The following NIN variants were observed in gnomAD, a reference collection of about 807,000 sequenced individuals.
NIN encodes the protein glycogen synthase kinase 3 beta-interacting protein.
A neutral mutation model predicts 257.6 loss-of-function variants in NIN; 137 were observed. That is an observed-to-expected ratio of 0.53 (90% CI 0.46 to 0.61). NIN has a LOEUF of 0.61. Ranked by LOEUF, NIN falls within the 20% of genes least tolerant of loss-of-function variation. NIN has a pLI of 0.00. For synonymous variants in NIN, 918 were observed against 919.8 expected (o/e 1.00, Z 0.04); for missense variants, 2,439 against 2,501.2 (o/e 0.98, Z 0.53).
chr14:50,770,819 G>A (rs2042699128), intron 11 of NIN, 33 bp downstream of exon 11: 2 of 1,599,478 alleles, frequency 1.3e-6, no homozygotes, highest in Non-Finnish European at 8.5e-7. Context: ...CCAGGGTGGT[G>A]GGTGAGGAGG....
At chr14:50,750,747 A>C (rs989975540) in intron 21 of NIN, among the ~76,000 whole-genome samples, 1 of 152,150 alleles carries the variant, frequency 6.6e-6, no homozygotes, top group Admixed American at 6.5e-5. Context: ...CATATTGATT[A>C]GTTTTACTTG....
rs1187918263 is a variant in NIN, at chr14:50,761,929, T to A, written c.1775-18A>T. On this transcript the variant is annotated intron_variant, in intron 15 of 30. Transcript: ENST00000530997. The stretch of plus-strand genomic sequence containing the variant: ...ACCGAGCCCTGAAAACACATGGGAC[T>A]CATTGATCCTGCAGCAGGTTCTTTC... The A allele has an allele frequency of 1.9e-6, 3 of 1,613,518 alleles. No homozygotes were observed. The highest frequency in any genetic ancestry group is 2.2e-5 in the South Asian group (2 of 90,968).
rs762215682 is a variant in NIN, at chr14:50,756,912, C to T, written c.4118G>A (p.Cys1373Tyr). The change falls in exon 18 of 31, where the codon TGT becomes TAT. Residue 1373 changes from cysteine (C) to tyrosine (Y), a missense_variant. Physicochemically the swap from Cys to Tyr is radical, Grantham distance 194. Transcript: ENST00000530997. ...ILQLNQTLEE[C>Y]VPRVRSVHHV... ...ATGTACACTCCTAACCCTGGGCACA[C>T]ACTCTTCCAGTGTCTGATTGAGCTG... is the stretch of plus-strand genomic sequence containing the variant. The T allele has an allele frequency of 6.4e-7, 1 of 1,562,268 alleles. No homozygotes were observed. The highest frequency in any genetic ancestry group is 1.2e-5 in the South Asian group (1 of 86,028).
chr14:50,737,598 TG>T (rs1199185406), intron 27 of NIN, among the ~76,000 whole-genome samples: 11 of 149,360 alleles, frequency 7.4e-5, no homozygotes, highest in Non-Finnish European at 1.6e-4. Context: ...CTAATAAAGA[TG>T]ATTAATTGCC....
intron 5 of NIN, among the ~76,000 whole-genome samples, chr14:50,790,081 G>A (rs544877451): frequency 6.6e-6 from 1 of 152,222 alleles, no homozygotes; most frequent in East Asian, 1.9e-4. Context: ...TGGAGACAAG[G>A]TCTTGCTCTG....
At chr14:50,815,211 C>T (rs2044831126) in intron 3 of NIN, among the ~76,000 whole-genome samples, 1 of 152,022 alleles carries the variant, frequency 6.6e-6, no homozygotes, top group Admixed American at 6.5e-5. Flanking sequence ...AACAAACAAC[C>T]CCATTAAAAA....
chr14:50,776,863 G>T, intron 7 of NIN, 86 bp downstream of exon 7: 1 of 1,203,992 alleles, frequency 8.3e-7, no homozygotes, highest in South Asian at 1.6e-5. Flanking sequence ...ACAAGCTGCA[G>T]AGAGCCACAC....
intron 21 of NIN, among the ~76,000 whole-genome samples, chr14:50,750,246 T>G (rs1369473131): frequency 6.6e-6 from 1 of 152,180 alleles, no homozygotes; most frequent in African/African-American, 2.4e-5. Context: ...AGGAGAATGG[T>G]GCTTAGTAAC....
At chr14:50,746,995 G>A (rs1030607274) in intron 22 of NIN, among the ~76,000 whole-genome samples, 5 of 152,158 alleles carry the variant, frequency 3.3e-5, no homozygotes, top group African/African-American at 4.8e-5. Flanking sequence ...CTGAGTAGCT[G>A]GGACTACAGG....
At chr14:50,767,125 G>A (rs111759384) in intron 12 of NIN, among the ~76,000 whole-genome samples, 1 of 152,330 alleles carries the variant, frequency 6.6e-6, no homozygotes, top group East Asian at 1.9e-4. Context: ...GTCCAAAACA[G>A]GTAGCTGCTA....
intron 17 of NIN, 129 bp from the exon 18 acceptor site, chr14:50,758,759 C>G: frequency 1.3e-6 from 1 of 775,822 alleles, no homozygotes; most frequent in Non-Finnish European, 2.0e-6. Flanking sequence ...ATGCTCTTAA[C>G]TTACTCCTAT....
At chr14:50,771,029 T>C in intron 10 of NIN, 37 bp from the exon 11 acceptor site, 1 of 1,599,354 alleles carries the variant, frequency 6.3e-7, no homozygotes, top group Non-Finnish European at 8.5e-7. Flanking sequence ...TGGGAAACTG[T>C]TTCTAAGCAA....
intron 3 of NIN, among the ~76,000 whole-genome samples, 180 bp downstream of exon 3, chr14:50,821,694 C>G (rs1204933793): frequency 1.3e-5 from 2 of 152,170 alleles, no homozygotes; most frequent in African/African-American, 4.8e-5. Context: ...CAAATTAAAG[C>G]AGGCTCTTGT....
intron 28 of NIN, among the ~76,000 whole-genome samples, chr14:50,732,685 T>C (rs981471169): frequency 2.0e-5 from 3 of 152,106 alleles, no homozygotes; most frequent in African/African-American, 4.8e-5. Flanking sequence ...CTACATAATA[T>C]GTGAATTATA....
At chr14:50,743,027 G>A (rs2041363413) in intron 24 of NIN, among the ~76,000 whole-genome samples, 1 of 152,038 alleles carries the variant, frequency 6.6e-6, no homozygotes, top group African/African-American at 2.4e-5. Flanking sequence ...GTACTAGCAT[G>A]ATCTTGGCTC....
At chr14:50,754,360 T>G (rs1327926284) in intron 20 of NIN, among the ~76,000 whole-genome samples, 1 of 152,178 alleles carries the variant, frequency 6.6e-6, no homozygotes, top group East Asian at 1.9e-4. Context: ...GGGCCTAGAA[T>G]AATATATACA....
At chr14:50,801,087 C>CTTT (rs141791731) in intron 4 of NIN, among the ~76,000 whole-genome samples, 2 of 88,230 alleles carry the variant, frequency 2.3e-5, no homozygotes, top group African/African-American at 9.0e-5. Context: ...CTGCGCCCGG[C>CTTT]TTTTTTTTTT....
intron 18 of NIN, among the ~76,000 whole-genome samples, 191 bp downstream of exon 18, chr14:50,756,301 C>T (rs1174747338): frequency 6.6e-6 from 1 of 152,162 alleles, no homozygotes; most frequent in African/African-American, 2.4e-5. Context: ...TTTGCTACAG[C>T]GGAAGGGAAT....
At chr14:50,808,219 G>A (rs1163675839) in intron 3 of NIN, among the ~76,000 whole-genome samples, 1 of 152,132 alleles carries the variant, frequency 6.6e-6, no homozygotes, top group Non-Finnish European at 1.5e-5. Flanking sequence ...TGTTAATTAG[G>A]TTTCACAGCC....
Sources: gnomAD v4.1 joint callset for allele counts (sites outside exome capture counted in the v4.1 genomes callset) on GRCh38, gnomAD v4.1.1 for gene constraint, MANE v1.5 for transcripts, NCBI Gene and HGNC (gene_info 2026-07-23, HGNC 2026-07-21) for gene names.